SORCS1: variants seen among roughly 807,000 people sequenced by gnomAD.
SORCS1 encodes VPS10 domain-containing receptor SorCS1.
SORCS1 carries 60 observed loss-of-function variants against 146.1 expected under a neutral mutation model. The ratio of observed to expected loss-of-function variants is 0.41; its 90% CI spans 0.33 to 0.51. The LOEUF is 0.51. Ranked by LOEUF, SORCS1 falls within the 20% of genes least tolerant of loss-of-function variation. The pLI is 0.21. For missense variants in SORCS1, 1,352 were observed against 1,487.6 expected, an observed-to-expected ratio of 0.91 and a Z score of 1.50; for synonymous variants, 637 against 584.0, an observed-to-expected ratio of 1.09 and a Z score of -1.31.
At chr10:107,014,253 C>CAAAAAAAAAAAAAAAA (rs562179526) in intron 1 of SORCS1, among the ~76,000 whole-genome samples, 1 of 79,356 alleles carries the variant, frequency 1.3e-5, no homozygotes, top group Admixed American at 1.2e-4. Context: ...GACCCTGCGT[C>CAAAAAAAAAAAAAAAA]AAAAAAAAAA....
chr10:106,901,706 A>G (rs963224205), intron 2 of SORCS1, among the ~76,000 whole-genome samples: 1 of 152,210 alleles, frequency 6.6e-6, no homozygotes, highest in Non-Finnish European at 1.5e-5. Flanking sequence ...AAGTGGTAGA[A>G]TTACAGGGAT....
intron 2 of SORCS1, among the ~76,000 whole-genome samples, chr10:106,926,217 A>C (rs1953005858): frequency 1.3e-5 from 2 of 152,236 alleles, no homozygotes; most frequent in Admixed American, 1.3e-4. Context: ...CCTAAATGAT[A>C]AGCAGGGGGT....
intron 6 of SORCS1, among the ~76,000 whole-genome samples, chr10:106,715,666 A>T (rs535507769): frequency 8.5e-5 from 13 of 152,350 alleles, no homozygotes; most frequent in African/African-American, 2.6e-4. Context: ...TTGGTATTTA[A>T]GTCCTCTCTC....
chr10:107,008,183 C>T (rs1286711017), intron 1 of SORCS1, among the ~76,000 whole-genome samples: 1 of 152,076 alleles, frequency 6.6e-6, no homozygotes, highest in East Asian at 1.9e-4. Context: ...TTCAATAGTA[C>T]ATAAAATAGT....
rs57785797 is a variant in SORCS1, at chr10:106,624,346, A to AT, written c.2663-3786dup. ...CATAATCACGTTTTGGTCAATGACG[A>AT]TTTTTTTTTTTTTTTTTTTTTTTTT... On this transcript the variant is annotated intron_variant, in intron 19 of 25. Coordinates refer to ENST00000263054, the MANE Select transcript of SORCS1 (RefSeq NM_052918.5). Among the ~76,000 whole-genome samples the AT allele has an allele frequency of 4.0e-4, 28 of 69,446 alleles. 1 individual carries two copies. Among genetic ancestry groups the AT allele is most frequent in the African/African-American group, 1.6e-3 (25 of 15,620 alleles). 45.6% of individuals were successfully genotyped at this position (69,446 alleles called of 152,430 possible). A position where few individuals can be genotyped will look rare whatever the true frequency, so the allele number is the denominator to read the frequency against.
chr10:106,689,825 T>C (rs1183791317), intron 9 of SORCS1, among the ~76,000 whole-genome samples: 3 of 152,230 alleles, frequency 2.0e-5, no homozygotes, highest in Admixed American at 6.5e-5. Context: ...TTTCAATCGA[T>C]AGAAGACACA....
chr10:106,839,455 C>T (rs757961095), intron 2 of SORCS1, among the ~76,000 whole-genome samples: 20 of 152,206 alleles, frequency 1.3e-4, no homozygotes, highest in South Asian at 2.1e-4. Flanking sequence ...GAGGTGAAGA[C>T]GCTGTGGAAG....
At chr10:107,066,615 G>A (rs1328233) in intron 1 of SORCS1, among the ~76,000 whole-genome samples, 81,454 of 151,956 alleles carry the variant, frequency 0.54, 23,357 homozygotes, top group African/African-American at 0.72. Context: ...TTATCATTAA[G>A]CTTTGACTCT....
intron 1 of SORCS1, among the ~76,000 whole-genome samples, chr10:107,146,562 G>C (rs1537985): frequency 0.29 from 43,574 of 152,016 alleles, 8,116 homozygotes; most frequent in Middle Eastern, 0.42. Flanking sequence ...CCAGCACCTG[G>C]TGTATGTCAG....
intron 1 of SORCS1, among the ~76,000 whole-genome samples, chr10:107,154,121 C>T (rs983481787): frequency 6.7e-6 from 1 of 149,432 alleles, no homozygotes; most frequent in Non-Finnish European, 1.5e-5. Flanking sequence ...AAGCAATTCT[C>T]CTGCCTCAGC....
intron 23 of SORCS1, chr10:106,600,469 C>T (rs1309908987): frequency 1.0e-6 from 1 of 983,056 alleles, no homozygotes; most frequent in Admixed American, 6.2e-5. Flanking sequence ...CAATTAGAAC[C>T]ATGTGCTTTT....
intron 5 of SORCS1, among the ~76,000 whole-genome samples, chr10:106,754,448 T>C (rs981073203): frequency 1.3e-5 from 2 of 152,286 alleles, no homozygotes; most frequent in Admixed American, 1.3e-4. Flanking sequence ...TCTTTAAAAT[T>C]TTTTTCTTCT....
Position 106,576,475 on chromosome 10 carries a change from A to T in SORCS1, c.*945T>A, listed in dbSNP as rs1443924055. The T allele has an allele frequency of 6.6e-6, 1 of 152,300 alleles. No homozygotes were observed. Among genetic ancestry groups the T allele is most frequent in the Non-Finnish European group, 1.5e-5 (1 of 68,070 alleles). The allele number at this position is 152,300 out of a possible 1,614,324, so 9.4% of individuals were successfully genotyped here. On this transcript the variant is annotated 3_prime_UTR_variant, in exon 26 of 26. Transcript: ENST00000263054. ...GACAAACAAATGTGAAGACAGGACA[A>T]TGGGTAACTAATGGGATTCCATTTC...
chr10:106,943,536 A>C (rs1414559653), intron 2 of SORCS1, among the ~76,000 whole-genome samples: 1 of 152,084 alleles, frequency 6.6e-6, no homozygotes, highest in African/African-American at 2.4e-5. Context: ...GGCCAGGTGC[A>C]GTGGCTCACA....
intron 19 of SORCS1, among the ~76,000 whole-genome samples, chr10:106,620,917 C>A (rs548519140): frequency 6.6e-6 from 1 of 152,310 alleles, no homozygotes; most frequent in East Asian, 1.9e-4. Context: ...GGTGGTGAAC[C>A]AGAGTCATGA....
chr10:106,912,026 T>A (rs1952185265), intron 2 of SORCS1, among the ~76,000 whole-genome samples: 1 of 150,076 alleles, frequency 6.7e-6, no homozygotes, highest in Non-Finnish European at 1.5e-5. Flanking sequence ...GACAGGAGAA[T>A]AGCGTGAACC....
In SORCS1 at chr10:106,618,161, T is replaced by A. The variant is rs1457723558; in HGVS notation, c.2908A>T (p.Ile970Phe). The part of the protein sequence containing the change: ...GNAILQDTKT[I>F]AVYEEFRSLR... ...GATGGGCACTCACCATATACTGCGA[T>A]GGTCTTTGTGTCTTGTAGGATGGCA... The change falls in exon 21 of 26, where the codon ATC becomes TTC. Residue 970 changes from isoleucine to phenylalanine, a missense_variant. Physicochemically the swap from Ile to Phe is conservative, Grantham distance 21. This residue lies in a region of SORCS1 where 648 missense variants were observed against 793.8 expected (regional missense o/e 0.82). Transcript: ENST00000263054. The A allele has an allele frequency of 6.2e-7, 1 of 1,614,080 alleles. No homozygotes were observed. Among genetic ancestry groups the A allele is most frequent in the Non-Finnish European group, 8.5e-7 (1 of 1,179,942 alleles).
chr10:106,902,993 G>T (rs948724363), intron 2 of SORCS1, among the ~76,000 whole-genome samples: 2 of 152,302 alleles, frequency 1.3e-5, no homozygotes, highest in South Asian at 4.1e-4. Flanking sequence ...TAGGAGAATC[G>T]CTTGAACTCA....
At chr10:106,657,445 G>A (rs950547144) in intron 17 of SORCS1, among the ~76,000 whole-genome samples, 4 of 152,024 alleles carry the variant, frequency 2.6e-5, no homozygotes, top group African/African-American at 9.7e-5. Flanking sequence ...ATGAACTTTG[G>A]AGAGTCAGAA....
Sources: allele counts gnomAD v4.1 joint callset (sites outside exome capture counted in the v4.1 genomes callset), GRCh38; gene constraint gnomAD v4.1.1; regional missense constraint gnomAD v4.1.1; transcripts MANE v1.5; gene names NCBI Gene and HGNC (gene_info 2026-07-23, HGNC 2026-07-21).